The following GPBP1L1 variants were observed in gnomAD, a reference collection of about 807,000 sequenced individuals.
The protein encoded by GPBP1L1 is vasculin-like protein 1.
Under a neutral mutation model 52.5 loss-of-function variants are expected in GPBP1L1, and 23 were observed. That is an observed-to-expected ratio of 0.44 (90% CI 0.32 to 0.62). The LOEUF (loss-of-function observed/expected upper bound fraction) is 0.62, where lower values mean the gene tolerates loss of function less well. Ranked by LOEUF, GPBP1L1 falls within the 20% of genes least tolerant of loss-of-function variation. The pLI is 0.06. For missense variants in GPBP1L1, 596 were observed against 579.3 expected (o/e 1.03, Z -0.30); for synonymous variants, 243 against 203.1 (o/e 1.20, Z -1.67).
chr1:45,666,102 T>A (rs1444206143), intron 2 of GPBP1L1, among the ~76,000 whole-genome samples: 1 of 151,030 alleles, frequency 6.6e-6, no homozygotes, highest in Non-Finnish European at 1.5e-5. Flanking sequence ...CTGGAAGTAA[T>A]CCCTGCCTCT....
intron 8 of GPBP1L1, 33 bp downstream of exon 8, chr1:45,640,177 G>A (rs1201574591): frequency 6.5e-7 from 1 of 1,537,152 alleles, no homozygotes; most frequent in Admixed American, 1.8e-5. Context: ...AACCTCTCTT[G>A]TATAAGGTTC....
At chr1:45,680,593 C>T (rs775427949) in intron 2 of GPBP1L1, among the ~76,000 whole-genome samples, 23 of 151,976 alleles carry the variant, frequency 1.5e-4, no homozygotes, top group African/African-American at 5.1e-4. Context: ...CTAAAAATCT[C>T]TTCTTAGATG....
chr1:45,683,716 T>C (rs1309810319), intron 2 of GPBP1L1, among the ~76,000 whole-genome samples: 8 of 120,754 alleles, frequency 6.6e-5, no homozygotes, highest in Admixed American at 4.7e-4. Flanking sequence ...AGCTTGGCAA[T>C]AGGATGAACC....
rs75768557 is a variant in GPBP1L1 at position 45,681,946 on chromosome 1, G to A, written c.-1098+3630C>T. On this transcript the variant is annotated intron_variant, in intron 2 of 12. Coordinates refer to ENST00000355105, the MANE Select transcript of GPBP1L1 (RefSeq NM_021639.5). Reference sequence around the variant, plus strand: ...CCCAAATCTCCATCTCTATGTTACCGAAATTACTTAACTTCTTGGAACCTC... The same window carrying A: ...CCCAAATCTCCATCTCTATGTTACCAAAATTACTTAACTTCTTGGAACCTC... Among the ~76,000 whole-genome samples, 462 of 152,244 alleles carry A rather than the reference G, an allele frequency of 3.0e-3. 4 individuals carry two copies. Among genetic ancestry groups the A allele is most frequent in the East Asian group, 0.023 (117 of 5,178 alleles).
intron 2 of GPBP1L1, among the ~76,000 whole-genome samples, chr1:45,667,190 A>T (rs1645021040): frequency 6.6e-6 from 1 of 152,180 alleles, no homozygotes; most frequent in African/African-American, 2.4e-5. Context: ...TATGATGGTA[A>T]ATCTTGTATT....
chr1:45,642,284 C>G (rs376007391), intron 7 of GPBP1L1, 143 bp downstream of exon 7: 1 of 638,106 alleles, frequency 1.6e-6, no homozygotes, highest in Non-Finnish European at 2.8e-6. Flanking sequence ...GGCAGAATAA[C>G]CCGCTACAGT....
At chr1:45,677,897 T>C (rs1372642304) in intron 2 of GPBP1L1, among the ~76,000 whole-genome samples, 2 of 152,188 alleles carry the variant, frequency 1.3e-5, no homozygotes, top group East Asian at 3.8e-4. Context: ...ATATTGCTGA[T>C]TAGAGTGAAC....
In GPBP1L1 at chr1:45,660,715, T is replaced by A. The variant is rs1247189354; in HGVS notation, c.-587A>T. Reference sequence around the variant, plus strand: ...CCAAAACATCCACATGACAAAGTCCTTAAAATACAAATCTCATTACTCTTA... The same window carrying A: ...CCAAAACATCCACATGACAAAGTCCATAAAATACAAATCTCATTACTCTTA... On this transcript the variant is annotated 5_prime_UTR_variant, in exon 3 of 13. In the 5' UTR this introduces an upstream ATG that the reference lacks. Coordinates refer to ENST00000355105, the MANE Select transcript of GPBP1L1 (RefSeq NM_021639.5). 3 of 185,824 alleles carry A rather than the reference T, an allele frequency of 1.6e-5. No homozygotes were observed. Among genetic ancestry groups the A allele is most frequent in the Non-Finnish European group, 3.0e-5 (3 of 98,728 alleles). 11.5% of individuals were successfully genotyped at this position (185,824 alleles called of 1,614,324 possible).
chr1:45,658,802 G>A (rs368098287), intron 4 of GPBP1L1: 7 of 487,564 alleles, frequency 1.4e-5, no homozygotes, highest in East Asian at 6.8e-5. Context: ...TTAGCAGGGC[G>A]TGGTGGTACA....
chr1:45,676,705 T>C (rs1645143397), intron 2 of GPBP1L1, among the ~76,000 whole-genome samples: 1 of 130,550 alleles, frequency 7.7e-6, no homozygotes, highest in African/African-American at 3.0e-5. Context: ...AGCGAAACTC[T>C]GTCTCAAAAA....
At chr1:45,675,747 C>T (rs901249990) in intron 2 of GPBP1L1, among the ~76,000 whole-genome samples, 28 of 152,208 alleles carry the variant, frequency 1.8e-4, no homozygotes, top group African/African-American at 6.7e-4. Flanking sequence ...GGCCATGTTG[C>T]CCAGGCTGGT....
At chr1:45,639,405 G>A (rs1173677521) in intron 8 of GPBP1L1, among the ~76,000 whole-genome samples, 2 of 152,046 alleles carry the variant, frequency 1.3e-5, no homozygotes, top group East Asian at 3.9e-4. Flanking sequence ...TAGTCAAGCT[G>A]AGTGATTAGG....
intron 2 of GPBP1L1, among the ~76,000 whole-genome samples, chr1:45,672,919 T>G (rs1645091523): frequency 6.6e-6 from 1 of 152,210 alleles, no homozygotes; most frequent in South Asian, 2.1e-4. Flanking sequence ...CTGATTCCAG[T>G]GAGTTCAAGA....
chr1:45,662,210 T>A (rs994321998), intron 2 of GPBP1L1, among the ~76,000 whole-genome samples: 14 of 152,170 alleles, frequency 9.2e-5, no homozygotes, highest in African/African-American at 3.1e-4. Flanking sequence ...GCTCGCTGCA[T>A]CCTTGAACTC....
chr1:45,683,203 C>CTTTT (rs764606358), intron 2 of GPBP1L1, among the ~76,000 whole-genome samples: 9 of 83,782 alleles, frequency 1.1e-4, no homozygotes, highest in African/African-American at 2.1e-4. Flanking sequence ...GAATATAGGC[C>CTTTT]TTTTTTTTTT....
At chr1:45,656,848 T>G (rs940065849) in intron 4 of GPBP1L1, among the ~76,000 whole-genome samples, 14 of 151,826 alleles carry the variant, frequency 9.2e-5, no homozygotes, top group East Asian at 1.9e-4. Flanking sequence ...GTTGTTGTTT[T>G]TTTTTTAAAT....
At chr1:45,643,880 G>C (rs1345939520) in intron 6 of GPBP1L1, among the ~76,000 whole-genome samples, 1 of 151,964 alleles carries the variant, frequency 6.6e-6, no homozygotes, top group African/African-American at 2.4e-5. Flanking sequence ...ATGCTGGCCA[G>C]GCTGGTCTCG....
intron 2 of GPBP1L1, among the ~76,000 whole-genome samples, chr1:45,682,811 C>G (rs1413966075): frequency 6.6e-6 from 1 of 152,084 alleles, no homozygotes; most frequent in Non-Finnish European, 1.5e-5. Flanking sequence ...TACCTGTGGA[C>G]AAAAGTTCAG....
chr1:45,645,147 A>C (rs1225545011), intron 6 of GPBP1L1, among the ~76,000 whole-genome samples: 1 of 152,180 alleles, frequency 6.6e-6, no homozygotes, highest in African/African-American at 2.4e-5. Flanking sequence ...GTTTGAAAAA[A>C]TATTCCAAGC....
Sources: allele counts gnomAD v4.1 joint callset (sites outside exome capture counted in the v4.1 genomes callset), GRCh38; gene constraint gnomAD v4.1.1; transcripts MANE v1.5; gene names NCBI Gene and HGNC (gene_info 2026-07-23, HGNC 2026-07-21).